Variants in FBXL2 observed in about 807,000 individuals in gnomAD.
The protein encoded by FBXL2 is F-box and leucine rich repeat protein 2, also known as F-box/LRR-repeat protein 2.
A neutral mutation model predicts 69.2 loss-of-function variants in FBXL2; 38 were observed. The observed-to-expected ratio is 0.55, with a 90% confidence interval of 0.42 to 0.72. The LOEUF is 0.72. Ranked by LOEUF, FBXL2 falls within the 30% of genes least tolerant of loss-of-function variation. FBXL2 has a pLI of 0.00. For synonymous variants in FBXL2, 192 were observed against 201.3 expected, an observed-to-expected ratio of 0.95 and a Z score of 0.39; for missense variants, 354 against 520.3, an observed-to-expected ratio of 0.68 and a Z score of 3.11.
intron 5 of FBXL2, among the ~76,000 whole-genome samples, 187 bp downstream of exon 5, chr3:33,364,906 G>A (rs1461227924): frequency 6.6e-6 from 1 of 152,174 alleles, no homozygotes; most frequent in Non-Finnish European, 1.5e-5. Flanking sequence ...ACTGTTGTTA[G>A]GGATGTGACC....
intron 2 of FBXL2, among the ~76,000 whole-genome samples, chr3:33,357,569 G>A (rs776271319): frequency 7.0e-5 from 9 of 127,810 alleles, no homozygotes; most frequent in East Asian, 2.3e-4. Flanking sequence ...TCTCGCTGTC[G>A]CCCAGGTTGG....
chr3:33,378,639 A>T (rs768812643), intron 12 of FBXL2, 46 bp from the exon 13 acceptor site: 1 of 1,577,452 alleles, frequency 6.3e-7, no homozygotes, highest in Admixed American at 1.9e-5. Flanking sequence ...ATTAGGTATT[A>T]AGTTCTGGTG....
At chr3:33,326,411 G>A (rs1031708192) in intron 2 of FBXL2, among the ~76,000 whole-genome samples, 3 of 151,692 alleles carry the variant, frequency 2.0e-5, no homozygotes, top group Non-Finnish European at 4.4e-5. Flanking sequence ...GCTGAGGCAG[G>A]AGAATAGCTT....
downstream of FBXL2, among the ~76,000 whole-genome samples, chr3:33,407,407 TC>T (rs901216588): frequency 4.6e-5 from 7 of 151,608 alleles, no homozygotes; most frequent in Middle Eastern, 3.4e-3. Context: ...GTTGCCAGAA[TC>T]CCCCCCAAAG....
chr3:33,371,738 C>T (rs2154047618), intron 5 of FBXL2, among the ~76,000 whole-genome samples: 1 of 152,138 alleles, frequency 6.6e-6, no homozygotes, highest in Admixed American at 6.5e-5. Flanking sequence ...TTGTTGGGTG[C>T]AGATATTTTT....
chr3:33,331,543 G>C (rs952874867), intron 2 of FBXL2, among the ~76,000 whole-genome samples: 9 of 152,160 alleles, frequency 5.9e-5, no homozygotes, highest in Middle Eastern at 6.3e-3. Context: ...AGTTTGTCTT[G>C]AGAAATCTAG....
At chr3:33,369,134 C>T (rs1374264620) in intron 5 of FBXL2, among the ~76,000 whole-genome samples, 1 of 151,860 alleles carries the variant, frequency 6.6e-6, no homozygotes, top group East Asian at 1.9e-4. Context: ...TCACTGCAGC[C>T]TCTGCCTCCT....
At chr3:33,327,590 G>T (rs1227309213) in intron 2 of FBXL2, among the ~76,000 whole-genome samples, 2 of 151,832 alleles carry the variant, frequency 1.3e-5, no homozygotes, top group Admixed American at 1.3e-4. Context: ...CTAAGAAAAA[G>T]AAGACCCAGA....
intron 4 of FBXL2, among the ~76,000 whole-genome samples, chr3:33,361,822 C>G (rs1245197607): frequency 1.3e-5 from 2 of 152,280 alleles, no homozygotes; most frequent in South Asian, 2.1e-4. Context: ...GTCTTGGGGT[C>G]TGCCATAGTC....
At chr3:33,321,116 C>T (rs1397685355) in intron 2 of FBXL2, among the ~76,000 whole-genome samples, 1 of 151,708 alleles carries the variant, frequency 6.6e-6, no homozygotes, top group African/African-American at 2.4e-5. Flanking sequence ...TCAAGACCAG[C>T]CTGCCCAACA....
At chr3:33,374,545 A>T (rs2042512306) in intron 9 of FBXL2, among the ~76,000 whole-genome samples, 1 of 152,202 alleles carries the variant, frequency 6.6e-6, no homozygotes, top group Admixed American at 6.5e-5. Flanking sequence ...ATATATTATA[A>T]ATCTTTAGAG....
At chr3:33,395,470 T>G (rs1170066322) in intron 12 of FBXL2, among the ~76,000 whole-genome samples, 1 of 152,032 alleles carries the variant, frequency 6.6e-6, no homozygotes, top group Non-Finnish European at 1.5e-5. Flanking sequence ...GGGCCATATT[T>G]AGAGGTGAGA....
At chr3:33,400,837 G>T in intron 12 of FBXL2, 3 of 900,146 alleles carry the variant, frequency 3.3e-6, no homozygotes, top group Non-Finnish European at 3.4e-6. Flanking sequence ...ATCCTGACTC[G>T]ATTACCACAC....
At chr3:33,406,100 G>A (rs1351014333), downstream of FBXL2, among the ~76,000 whole-genome samples, 3 of 152,150 alleles carry the variant, frequency 2.0e-5, no homozygotes, top group African/African-American at 7.2e-5. Flanking sequence ...ACACAACAAT[G>A]CCCATTCTTT....
In FBXL2 at chr3:33,301,743, A is replaced by C. The variant is rs188154172; in HGVS notation, c.65+4018A>C. ...GCTTTTAGTATTATTCTTCCTGGGG[A>C]GTCAGTCACATAATTTTTATAACAG... is the stretch of plus-strand genomic sequence containing the variant. On this transcript the variant is annotated intron_variant, in intron 2 of 14. Transcript: ENST00000484457. 8.9e-4 allele frequency among the ~76,000 whole-genome samples: 135 copies of C among 152,208 alleles called. 1 individual carries two copies. The highest frequency in any genetic ancestry group is 3.2e-3 in the African/African-American group (131 of 41,534).
Position 33,387,622 on chromosome 3 carries a change from C to CA in FBXL2, c.*2017dup, listed in dbSNP as rs753025935. The CA allele has an allele frequency of 4.7e-5, 5 of 106,016 alleles. No individual in the cohort carries two copies. Among genetic ancestry groups the CA allele is most frequent in the African/African-American group, 1.1e-4 (3 of 28,056 alleles). 6.6% of individuals were successfully genotyped at this position (106,016 alleles called of 1,614,324 possible). A position where few individuals can be genotyped will look rare whatever the true frequency, so the allele number is the denominator to read the frequency against. Reference sequence around the variant, plus strand: ...ACTCCATCATCATCTCAAAACAAAACAAACAAACAAACAAAACAAACCACC... The same window carrying CA: ...ACTCCATCATCATCTCAAAACAAAACAAAACAAACAAACAAAACAAACCACC... On this transcript the variant is annotated 3_prime_UTR_variant, in exon 15 of 15. Transcript: ENST00000484457.
chr3:33,367,006 T>G (rs550179905), intron 5 of FBXL2, among the ~76,000 whole-genome samples: 58 of 152,340 alleles, frequency 3.8e-4, no homozygotes, highest in African/African-American at 1.4e-3. Flanking sequence ...CAATTTGTAT[T>G]TTTTAAAAAT....
chr3:33,388,758 T>C (rs966134613), downstream of FBXL2: 1 of 152,216 alleles, frequency 6.6e-6, no homozygotes, highest in Non-Finnish European at 1.5e-5. Context: ...GTTACAGATA[T>C]TTTCAAATCG....
At chr3:33,393,471 A>G (rs1559664142) in intron 12 of FBXL2, 9 of 1,595,440 alleles carry the variant, frequency 5.6e-6, no homozygotes, top group East Asian at 2.2e-5. Context: ...TTAAAAAAAA[A>G]AAAAGAAAAG....
Sources: allele counts gnomAD v4.1 joint callset (sites outside exome capture counted in the v4.1 genomes callset), GRCh38; gene constraint gnomAD v4.1.1; transcripts MANE v1.5; gene names NCBI Gene and HGNC (gene_info 2026-07-23, HGNC 2026-07-21).